Variants in TRHDE observed in about 807,000 individuals in gnomAD.
The protein encoded by TRHDE is thyrotropin-releasing hormone-degrading ectoenzyme.
Under a neutral mutation model 125.7 loss-of-function variants are expected in TRHDE, and 72 were observed. The observed-to-expected ratio is 0.57, with a 90% CI of 0.47 to 0.70. The LOEUF (loss-of-function observed/expected upper bound fraction) is 0.70, where lower values mean the gene tolerates loss of function less well. Among genes scored for constraint, TRHDE ranks in the 30% least tolerant of loss-of-function variants. The pLI, the probability that TRHDE is intolerant of heterozygous loss-of-function variation, is 0.00. For missense variants in TRHDE, 1,110 were observed against 1,327.1 expected, an observed-to-expected ratio of 0.84 and a Z score of 2.54; for synonymous variants, 509 against 509.1, an observed-to-expected ratio of 1.00 and a Z score of 0.00.
At chr12:72,335,964 G>A in intron 2 of TRHDE, among the ~76,000 whole-genome samples, 1 of 152,288 alleles carries the variant, frequency 6.6e-6, no homozygotes, top group East Asian at 1.9e-4. Context: ...ATTAAAAAAA[G>A]TAAAAGTTGT....
At chr12:72,161,407 T>C (rs1049553296) in intron 2 of TRHDE, among the ~76,000 whole-genome samples, 5 of 141,884 alleles carry the variant, frequency 3.5e-5, no homozygotes, top group African/African-American at 8.1e-5. Flanking sequence ...CACTCCAGCC[T>C]GGCGACAGAG....
chr12:72,542,047 A>G (rs746230206), intron 6 of TRHDE, among the ~76,000 whole-genome samples: 3 of 151,394 alleles, frequency 2.0e-5, no homozygotes, highest in Non-Finnish European at 4.4e-5. Context: ...CATTGCCCTG[A>G]GATATTCTTT....
chr12:72,433,385 G>A (rs1465184298), intron 3 of TRHDE, among the ~76,000 whole-genome samples: 1 of 152,050 alleles, frequency 6.6e-6, no homozygotes, highest in Non-Finnish European at 1.5e-5. Context: ...TTAAATTCAG[G>A]CCCCTTTGTG....
chr12:72,598,767 A>C (rs1872086081), intron 12 of TRHDE, among the ~76,000 whole-genome samples: 1 of 151,900 alleles, frequency 6.6e-6, no homozygotes, highest in Admixed American at 6.6e-5. Context: ...GTACATGTGC[A>C]GTTTTGTTAA....
In TRHDE at chr12:72,272,513, A is replaced by G. The variant is rs2139404131; in HGVS notation, c.-131A>G. On this transcript the variant is annotated 5_prime_UTR_variant, in exon 1 of 19. Coordinates refer to ENST00000261180, the MANE Select transcript of TRHDE (RefSeq NM_013381.3). This position sits in a 1 kb window ranked among gnomAD's most constrained non-coding sequence, Gnocchi z 6.7. ...TGTGTCCAGAACCCGTCTTAAAAGA[A>G]CCCGGGCCAGCATCCCCAGTCGCGC... The G allele has an allele frequency of 5.5e-6, 3 of 544,750 alleles. No individual in the cohort carries two copies. In the East Asian group the frequency reaches 9.1e-5, roughly 17 times the overall value. The allele number at this position is 544,750 out of a possible 1,614,324, so 33.7% of individuals were successfully genotyped here. A position where few individuals can be genotyped will look rare whatever the true frequency, so the allele number is the denominator to read the frequency against.
intron 2 of TRHDE, among the ~76,000 whole-genome samples, chr12:72,133,714 A>G (rs748855869): frequency 2.0e-4 from 31 of 152,162 alleles, no homozygotes; most frequent in Non-Finnish European, 3.8e-4. Flanking sequence ...CTCCTGACCC[A>G]TACTATAATG....
chr12:72,555,183 G>C lies in TRHDE; in HGVS notation c.1789-6982G>C, dbSNP rs185098452. ...GTATAACATGTAAAATGCCTTTTTTGTTCCTAGCAAACTATCTGAATACTC... is the reference window on the plus strand; with the variant it reads ...GTATAACATGTAAAATGCCTTTTTTCTTCCTAGCAAACTATCTGAATACTC... On this transcript the variant is annotated intron_variant, in intron 7 of 18. Transcript: ENST00000261180. 2.2e-3 allele frequency among the ~76,000 whole-genome samples: 340 copies of C among 152,042 alleles called. 2 individuals carry two copies. The highest frequency in any genetic ancestry group is 7.5e-3 in the African/African-American group (313 of 41,478).
chr12:72,110,021 T>G (rs1014920910), intron 2 of TRHDE, among the ~76,000 whole-genome samples: 2 of 152,074 alleles, frequency 1.3e-5, no homozygotes, highest in Non-Finnish European at 2.9e-5. Flanking sequence ...TCTGTTAAAA[T>G]GCAAATGCTT....
At chr12:72,640,083 G>T (rs181472195) in intron 15 of TRHDE, among the ~76,000 whole-genome samples, 9,965 of 152,288 alleles carry the variant, frequency 0.065, 427 homozygotes, top group Middle Eastern at 0.13. Context: ...CTGGGCAATG[G>T]TGGACGCCCC....
chr12:72,375,430 G>A (rs1243514528), intron 2 of TRHDE, among the ~76,000 whole-genome samples: 1 of 152,140 alleles, frequency 6.6e-6, no homozygotes, highest in East Asian at 1.9e-4. Flanking sequence ...TTGACAAGCA[G>A]ATTAATTTAA....
At chr12:72,117,089 T>G (rs1465001453) in intron 2 of TRHDE, among the ~76,000 whole-genome samples, 1 of 152,176 alleles carries the variant, frequency 6.6e-6, no homozygotes, top group African/African-American at 2.4e-5. Context: ...GGTTTTTAGC[T>G]GAACGTAATC....
At chr12:72,259,052 T>C (rs1362592565) in intron 2 of TRHDE, among the ~76,000 whole-genome samples, 4 of 152,176 alleles carry the variant, frequency 2.6e-5, no homozygotes, top group African/African-American at 9.7e-5. Context: ...AGAAAGATAC[T>C]TTGAAACTCT....
chr12:72,348,221 C>T (rs527507145), intron 2 of TRHDE, among the ~76,000 whole-genome samples: 1 of 152,008 alleles, frequency 6.6e-6, no homozygotes, highest in South Asian at 2.1e-4. Flanking sequence ...AGAACACTTA[C>T]AATTTACTCT....
chr12:72,092,204 A>C (rs1170242210), intron 1 of TRHDE, among the ~76,000 whole-genome samples: 1 of 152,222 alleles, frequency 6.6e-6, no homozygotes, highest in Non-Finnish European at 1.5e-5. Flanking sequence ...CTGAATGAGT[A>C]ATTTCTTTTC....
intron 2 of TRHDE, among the ~76,000 whole-genome samples, chr12:72,204,798 T>G (rs1350179327): frequency 6.6e-6 from 1 of 152,174 alleles, no homozygotes; most frequent in African/African-American, 2.4e-5. Context: ...TCCTATATAC[T>G]TTTTTTCCTC....
chr12:72,238,434 G>A (rs1409611483), intron 2 of TRHDE, among the ~76,000 whole-genome samples: 1 of 146,260 alleles, frequency 6.8e-6, no homozygotes, highest in Non-Finnish European at 1.5e-5. Context: ...GGGTACATGT[G>A]CAGAATGTGC....
chr12:72,669,805 C>T lies in TRHDE; in HGVS notation c.*6610C>T, dbSNP rs1421446904. On this transcript the variant is annotated 3_prime_UTR_variant, in exon 19 of 19. Transcript: ENST00000261180. ...TTGTGTAACAGCAATTCCACATTAT[C>T]CTTTTGAATGCTACCTATATATTGC... 1 of 151,714 alleles carries T rather than the reference C, an allele frequency of 6.6e-6. No homozygotes were observed. The highest frequency in any genetic ancestry group is 2.4e-5 in the African/African-American group (1 of 41,372). The allele number at this position is 151,714 out of a possible 1,614,324, so 9.4% of individuals were successfully genotyped here.
upstream of TRHDE, chr12:72,271,898 G>A (rs1188167169): frequency 6.6e-6 from 3 of 456,488 alleles, no homozygotes; most frequent in East Asian, 1.4e-4. Flanking sequence ...TGGAATGAGG[G>A]AGTCTCGCTG....
chr12:72,473,130 C>T lies in TRHDE; in HGVS notation c.1534C>T (p.His512Tyr), dbSNP rs1876727034. The change falls in exon 5 of 19, where the codon CAC becomes TAC. Residue 512 changes from histidine (H) to tyrosine (Y), a missense_variant. Physicochemically the swap from His to Tyr is moderately conservative, Grantham distance 83 (BLOSUM62 2). Transcript: ENST00000261180. ...CGTGTGGCTGAAGGAAGGGTTTGCT[C>T]ACTACTTTGAATTTGTTGGTACAGA... ...EDVWLKEGFA[H>Y]YFEFVGTDYL... 4 of 1,613,874 alleles carry T rather than the reference C, an allele frequency of 2.5e-6. No individual in the cohort carries two copies. Among genetic ancestry groups the T allele is most frequent in the South Asian group, 2.2e-5 (2 of 91,074 alleles).
Sources: gnomAD v4.1 joint callset for allele counts (sites outside exome capture counted in the v4.1 genomes callset) on GRCh38, gnomAD v4.1.1 for gene constraint, Gnocchi (gnomAD v3.1) non-coding constraint, MANE v1.5 for transcripts, NCBI Gene and HGNC (gene_info 2026-07-23, HGNC 2026-07-21) for gene names.